The following IGF2BP3 variants were observed in gnomAD, a reference collection of about 807,000 sequenced individuals.
IGF2BP3 encodes the protein insulin like growth factor 2 mRNA binding protein 3, also known as insulin-like growth factor 2 mRNA-binding protein 3.
Under a neutral mutation model 73.8 loss-of-function variants are expected in IGF2BP3, and 9 were observed. The observed-to-expected ratio is 0.12, with a 90% CI of 0.07 to 0.21. The LOEUF is 0.21. Ranked by LOEUF, IGF2BP3 falls within the 10% of genes least tolerant of loss-of-function variation. The probability of loss-of-function intolerance (pLI) is 1.00; values close to 1 mark genes in which losing one functional copy is unlikely to be tolerated. For synonymous variants in IGF2BP3, 258 were observed against 256.7 expected, an observed-to-expected ratio of 1.01 and a Z score of -0.05; for missense variants, 542 against 714.0, an observed-to-expected ratio of 0.76 and a Z score of 2.75.
chr7:23,384,830 G>A (rs1373505077), intron 3 of IGF2BP3, among the ~76,000 whole-genome samples: 1 of 152,200 alleles, frequency 6.6e-6, no homozygotes, highest in Non-Finnish European at 1.5e-5. Context: ...GGCAAAGGTT[G>A]TAGTGAGCCA....
intron 3 of IGF2BP3, among the ~76,000 whole-genome samples, chr7:23,399,691 T>G (rs908969110): frequency 1.1e-4 from 17 of 152,290 alleles, no homozygotes; most frequent in Middle Eastern, 3.4e-3. Flanking sequence ...CAATGTAAAT[T>G]TTCTATACCA....
At chr7:23,361,351 A>G (rs768557074) in intron 5 of IGF2BP3, 183 bp downstream of exon 5, 20 of 558,190 alleles carry the variant, frequency 3.6e-5, no homozygotes, top group Non-Finnish European at 6.0e-5. Context: ...TACAACTTTA[A>G]CCAATGTAGA....
At chr7:23,362,776 C>A (rs2128508488) in intron 3 of IGF2BP3, 1 of 152,182 alleles carries the variant, frequency 6.6e-6, no homozygotes, top group South Asian at 2.1e-4. Context: ...ATTTATGAGA[C>A]AGGGTCTTGC....
Position 23,462,482 on chromosome 7 carries a change from C to G in IGF2BP3, c.236+6000G>C, listed in dbSNP as rs538451492. 4.6e-5 allele frequency among the ~76,000 whole-genome samples: 7 copies of G among 152,154 alleles called. No individual in the cohort carries two copies. The East Asian group carries it at 1.4e-3, about 29-fold the overall frequency. Reference sequence around the variant, plus strand: ...GTTCACGCCATTCTCCTGCCTCAGCCTACCGCGTAGCTGGGACTAAAGGCG... The same window carrying G: ...GTTCACGCCATTCTCCTGCCTCAGCGTACCGCGTAGCTGGGACTAAAGGCG... On this transcript the variant is annotated intron_variant, in intron 2 of 14. Transcript: ENST00000258729.
chr7:23,321,496 AG>A (rs1784149618), intron 10 of IGF2BP3, among the ~76,000 whole-genome samples: 1 of 152,110 alleles, frequency 6.6e-6, no homozygotes, highest in African/African-American at 2.4e-5. Context: ...AGGCTGGGGG[AG>A]GGGTGCCCGC....
intron 10 of IGF2BP3, among the ~76,000 whole-genome samples, chr7:23,334,795 T>C (rs992672901): frequency 1.3e-5 from 2 of 152,160 alleles, no homozygotes; most frequent in Non-Finnish European, 2.9e-5. Context: ...TTCCTAATCA[T>C]CTATCGTGAA....
chr7:23,394,952 C>T (rs1377309065), intron 3 of IGF2BP3, among the ~76,000 whole-genome samples: 1 of 152,262 alleles, frequency 6.6e-6, no homozygotes, highest in Non-Finnish European at 1.5e-5. Context: ...TGGAAGTGCA[C>T]AGAACATGCT....
chr7:23,397,236 G>C (rs191328172), intron 3 of IGF2BP3, among the ~76,000 whole-genome samples: 9 of 152,338 alleles, frequency 5.9e-5, no homozygotes, highest in African/African-American at 2.2e-4. Context: ...AAGTTGTCTT[G>C]TGCAGCAAAT....
At chr7:23,335,242 C>G (rs1784544305) in intron 10 of IGF2BP3, among the ~76,000 whole-genome samples, 1 of 151,788 alleles carries the variant, frequency 6.6e-6, no homozygotes, top group Non-Finnish European at 1.5e-5. Context: ...GACTAAGAGA[C>G]TCCCTGAAAC....
chr7:23,438,395 A>G (rs1349260101), intron 2 of IGF2BP3, among the ~76,000 whole-genome samples: 2 of 152,126 alleles, frequency 1.3e-5, no homozygotes, highest in African/African-American at 4.8e-5. Flanking sequence ...AATTACAGGC[A>G]TGAACCACCA....
chr7:23,418,938 C>T, intron 2 of IGF2BP3, 114 bp from the exon 3 acceptor site: 1 of 650,958 alleles, frequency 1.5e-6, no homozygotes, highest in Non-Finnish European at 2.6e-6. Flanking sequence ...TAATTACAAA[C>T]CAATATCTAT....
chr7:23,329,804 T>C (rs1583892415), intron 10 of IGF2BP3, among the ~76,000 whole-genome samples: 2 of 152,260 alleles, frequency 1.3e-5, no homozygotes, highest in East Asian at 3.9e-4. Flanking sequence ...CCACAACAGA[T>C]CCAATTTCTA....
At chr7:23,456,629 G>A (rs1562763223) in intron 2 of IGF2BP3, among the ~76,000 whole-genome samples, 1 of 152,260 alleles carries the variant, frequency 6.6e-6, no homozygotes, top group Non-Finnish European at 1.5e-5. Flanking sequence ...GTAGAAGAGT[G>A]TGTTCCTACA....
At chr7:23,331,454 T>C (rs1262313257) in intron 10 of IGF2BP3, among the ~76,000 whole-genome samples, 8 of 152,184 alleles carry the variant, frequency 5.3e-5, no homozygotes, top group Admixed American at 2.6e-4. Flanking sequence ...ACTTTTAAGT[T>C]GCAAAGTATC....
intron 10 of IGF2BP3, among the ~76,000 whole-genome samples, chr7:23,326,643 A>C (rs574276440): frequency 6.7e-6 from 1 of 149,950 alleles, no homozygotes; most frequent in Non-Finnish European, 1.5e-5. Flanking sequence ...CATTATTCAC[A>C]ATAGCAAAGA....
intron 3 of IGF2BP3, among the ~76,000 whole-genome samples, chr7:23,367,203 C>T (rs989503927): frequency 6.6e-6 from 1 of 152,046 alleles, no homozygotes; most frequent in African/African-American, 2.4e-5. Context: ...GTCCCGAATT[C>T]CTGAGCTCAA....
chr7:23,351,325 G>C lies in IGF2BP3; in HGVS notation c.663C>G (p.Ile221Met). The C allele has an allele frequency of 6.2e-7, 1 of 1,613,872 alleles. No homozygotes were observed. The highest frequency in any genetic ancestry group is 8.5e-7 in the Non-Finnish European group (1 of 1,179,850). The change falls in exon 6 of 15, where the codon ATC (isoleucine) becomes ATG (methionine). Residue 221 changes from isoleucine to methionine, a missense_variant. Coordinates refer to ENST00000258729, the MANE Select transcript of IGF2BP3 (RefSeq NM_006547.3). ...CTCACTTAGACTGGGTCTGTTTGGT[G>C]ATGTTCCGAATGGTGGCACCTTCTT... is the stretch of plus-strand genomic sequence containing the variant. ...IGKEGATIRN[I>M]TKQTQSKIDV...
intron 10 of IGF2BP3, among the ~76,000 whole-genome samples, chr7:23,320,644 TAAAAAAAAA>T (rs35291021): frequency 1.7e-5 from 2 of 115,340 alleles, no homozygotes; most frequent in Admixed American, 9.3e-5. Context: ...TGCTTTTGTT[TAAAAAAAAA>T]AAAAAAAAAA....
intron 2 of IGF2BP3, among the ~76,000 whole-genome samples, chr7:23,428,396 C>T (rs758519762): frequency 2.0e-5 from 3 of 151,852 alleles, no homozygotes; most frequent in East Asian, 1.9e-4. Flanking sequence ...CGCTTGAACT[C>T]GGGAGGCGGA....
Sources: allele counts gnomAD v4.1 joint callset (sites outside exome capture counted in the v4.1 genomes callset), GRCh38; gene constraint gnomAD v4.1.1; transcripts MANE v1.5; gene names NCBI Gene and HGNC (gene_info 2026-07-23, HGNC 2026-07-21).